The following FAM174A variants were observed in gnomAD, a reference collection of about 807,000 sequenced individuals.
FAM174A encodes the protein family with sequence similarity 174 member A.
In FAM174A, 14 loss-of-function variants were observed where a neutral mutation model predicts 14.3. The ratio of observed to expected loss-of-function variants is 0.98; its 90% CI spans 0.65 to 1.53. FAM174A has a LOEUF of 1.53. Ranked by LOEUF, FAM174A falls within the 40% of genes most tolerant of loss-of-function variation. FAM174A has a pLI of 0.00. For synonymous variants in FAM174A, 108 were observed against 111.4 expected (o/e 0.97, Z 0.19); for missense variants, 241 against 249.6 (o/e 0.97, Z 0.23).
intron 2 of FAM174A, among the ~76,000 whole-genome samples, chr5:100,584,147 T>C (rs1290825826): frequency 6.6e-6 from 1 of 152,232 alleles, no homozygotes; most frequent in African/African-American, 2.4e-5. Context: ...CAGGCCTTCT[T>C]CTTGTACAAC....
At chr5:100,540,901 G>T (rs1746036617) in intron 1 of FAM174A, among the ~76,000 whole-genome samples, 1 of 152,150 alleles carries the variant, frequency 6.6e-6, no homozygotes, top group South Asian at 2.1e-4. Flanking sequence ...ATCTATACGG[G>T]GTAAATGTAT....
At chr5:100,540,589 A>G (rs1446088179) in intron 1 of FAM174A, among the ~76,000 whole-genome samples, 1 of 152,154 alleles carries the variant, frequency 6.6e-6, no homozygotes, top group East Asian at 1.9e-4. Context: ...TTTTTTGCAA[A>G]GGTGAAACTT....
chr5:100,579,103 GT>G (rs1245176628), intron 2 of FAM174A, among the ~76,000 whole-genome samples: 1 of 152,186 alleles, frequency 6.6e-6, no homozygotes, highest in Non-Finnish European at 1.5e-5. Context: ...ATGTGTACTG[GT>G]AATCCATGTC....
At position 100,577,391 on chromosome 5, in the gene FAM174A, G is replaced by T. The variant is rs189097146; in HGVS notation, c.570-8790G>T. Among the ~76,000 whole-genome samples the T allele has an allele frequency of 6.4e-3, 977 of 151,942 alleles. 29 individuals carry two copies. The highest frequency in any genetic ancestry group is 2.2e-3 in the Non-Finnish European group (151 of 67,906). ...TAAAAAGCCCTAAATTTGCTTTTTG[G>T]CTACTGCTGTTATGCTTCATTAAAT... On this transcript the variant is annotated intron_variant, in intron 2 of 2. Coordinates refer to ENST00000312637, the MANE Select transcript of FAM174A (RefSeq NM_198507.3).
intron 2 of FAM174A, among the ~76,000 whole-genome samples, chr5:100,571,218 C>A (rs1402168897): frequency 1.3e-5 from 2 of 151,064 alleles, no homozygotes; most frequent in Admixed American, 1.3e-4. Flanking sequence ...TTAGGGTTTG[C>A]GTTTCTCATA....
intron 2 of FAM174A, among the ~76,000 whole-genome samples, chr5:100,570,136 A>G (rs546507839): frequency 6.6e-6 from 1 of 152,034 alleles, no homozygotes; most frequent in African/African-American, 2.4e-5. Context: ...TCTAAAACAC[A>G]GAGGTCGGGT....
intron 1 of FAM174A, among the ~76,000 whole-genome samples, chr5:100,557,265 C>G (rs1179849025): frequency 1.3e-5 from 2 of 151,980 alleles, no homozygotes. Flanking sequence ...TTGAACCAGC[C>G]TTGCATCGCA....
chr5:100,556,160 T>G (rs1401721393), intron 1 of FAM174A, among the ~76,000 whole-genome samples: 2 of 152,334 alleles, frequency 1.3e-5, no homozygotes, highest in East Asian at 3.9e-4. Flanking sequence ...TCTCTACATA[T>G]GGCTAGCCAG....
At chr5:100,540,245 T>A (rs565160718) in intron 1 of FAM174A, among the ~76,000 whole-genome samples, 5 of 152,180 alleles carry the variant, frequency 3.3e-5, no homozygotes, top group Non-Finnish European at 7.4e-5. Flanking sequence ...ATCACTTAAT[T>A]TAAGCAAAAC....
At chr5:100,554,928 T>A (rs1235439981) in intron 1 of FAM174A, among the ~76,000 whole-genome samples, 1 of 152,016 alleles carries the variant, frequency 6.6e-6, no homozygotes, top group African/African-American at 2.4e-5. Flanking sequence ...GTTGCGTAGC[T>A]TCTTTTTTTT....
rs558236562 is a variant in FAM174A at position 100,566,141 on chromosome 5, G to GATAGAT, written c.569+3956_569+3957insGATATA. On this transcript the variant is annotated intron_variant, in intron 2 of 2. Transcript: ENST00000312637. ...ACAGATAAATGAATTTGAAAAGTAT[G>GATAGAT]ATATATATATATATATATATATATA... Among the ~76,000 whole-genome samples the GATAGAT allele has an allele frequency of 4.9e-3, 398 of 81,800 alleles. 14 individuals are homozygous for GATAGAT. Among genetic ancestry groups the GATAGAT allele is most frequent in the Middle Eastern group, 8.9e-3 (1 of 112 alleles). The allele number at this position is 81,800 out of a possible 152,430, so 53.7% of individuals were successfully genotyped here.
At position 100,535,759 on chromosome 5, in the gene FAM174A, C is replaced by T; in HGVS notation, c.229C>T (p.Arg77Trp). The T allele has an allele frequency of 1.9e-6, 3 of 1,604,092 alleles. No individual in the cohort carries two copies. The highest frequency in any genetic ancestry group is 2.2e-5 in the East Asian group (1 of 44,730). ...GRGLAEAAGP[R>W]GSEGGNGSNP... ...TGGTCTGGCTGAAGCTGCGGGGCCG[C>T]GGGGCTCCGAGGGAGGCAATGGCAG... Residue 77 changes from arginine (R) to tryptophan (W), a missense_variant, in exon 1 of 3, where the codon CGG (arginine) becomes TGG (tryptophan). Transcript: ENST00000312637.
In FAM174A at chr5:100,535,471, C is replaced by T; in HGVS notation, c.-60C>T. On this transcript the variant is annotated 5_prime_UTR_variant, in exon 1 of 3. Coordinates refer to ENST00000312637, the MANE Select transcript of FAM174A (RefSeq NM_198507.3). ...ATTCTCCACCGCGCCTATGGTCCCT[C>T]TTGGAGCCAGCGTGGCGGGCCTGGC... The T allele has an allele frequency of 6.3e-7, 1 of 1,587,910 alleles. No individual in the cohort carries two copies. The highest frequency in any genetic ancestry group is 8.6e-7 in the Non-Finnish European group (1 of 1,162,812).
At chr5:100,566,687 CACATCATA>C (rs1265679449) in intron 2 of FAM174A, among the ~76,000 whole-genome samples, 1 of 151,776 alleles carries the variant, frequency 6.6e-6, no homozygotes, top group East Asian at 1.9e-4. Context: ...GCACATCATG[CACATCATA>C]ACATCATAAC....
chr5:100,577,142 T>C (rs1033104653), intron 2 of FAM174A, among the ~76,000 whole-genome samples: 1 of 152,146 alleles, frequency 6.6e-6, no homozygotes, highest in Non-Finnish European at 1.5e-5. Context: ...TATTACACAT[T>C]GTATGCTTGT....
chr5:100,544,814 G>A (rs985353078), intron 1 of FAM174A, among the ~76,000 whole-genome samples: 3 of 152,216 alleles, frequency 2.0e-5, no homozygotes, highest in East Asian at 3.8e-4. Flanking sequence ...GATAGAGGTT[G>A]AATGTGGGAC....
chr5:100,556,519 A>G (rs1746387479), intron 1 of FAM174A, among the ~76,000 whole-genome samples: 1 of 152,190 alleles, frequency 6.6e-6, no homozygotes, highest in African/African-American at 2.4e-5. Context: ...TTGAATCTAT[A>G]AATTACCTTA....
intron 2 of FAM174A, 111 bp downstream of exon 2, chr5:100,562,299 T>C: frequency 1.0e-6 from 1 of 1,001,402 alleles, no homozygotes; most frequent in Non-Finnish European, 1.4e-6. Flanking sequence ...ACACAGTTTC[T>C]TCAGTTCTGT....
intron 1 of FAM174A, 92 bp downstream of exon 1, chr5:100,536,056 C>T: frequency 8.5e-7 from 1 of 1,180,448 alleles, no homozygotes; most frequent in Non-Finnish European, 1.2e-6. Flanking sequence ...CCCTTTCCCC[C>T]TTCCCCAGCA....
Sources: allele counts gnomAD v4.1 joint callset (sites outside exome capture counted in the v4.1 genomes callset), GRCh38; gene constraint gnomAD v4.1.1; transcripts MANE v1.5; gene names NCBI Gene and HGNC (gene_info 2026-07-23, HGNC 2026-07-21).